KCNQ5: variants seen among roughly 807,000 people sequenced by gnomAD.
The protein encoded by KCNQ5 is potassium voltage-gated channel subfamily Q member 5.
KCNQ5 carries 30 observed loss-of-function variants against 98.2 expected under a neutral mutation model. That is an observed-to-expected ratio of 0.31 (90% CI 0.23 to 0.41). The LOEUF (loss-of-function observed/expected upper bound fraction) is 0.41. KCNQ5 is among the 10% of genes least tolerant of loss of function. The pLI is 1.00. For missense variants in KCNQ5, 835 were observed against 1,182.5 expected (o/e 0.71, Z 4.31); for synonymous variants, 458 against 449.4 (o/e 1.02, Z -0.24).
At chr6:72,706,333 T>C (rs1021122606) in intron 1 of KCNQ5, among the ~76,000 whole-genome samples, 6 of 117,146 alleles carry the variant, frequency 5.1e-5, no homozygotes, top group Admixed American at 4.8e-4. Flanking sequence ...TAATATTTTA[T>C]ATTTAATATT....
intron 1 of KCNQ5, among the ~76,000 whole-genome samples, chr6:72,776,200 G>T (rs1302514520): frequency 3.9e-5 from 6 of 152,110 alleles, no homozygotes; most frequent in Non-Finnish European, 1.5e-5. Context: ...ACTGGGAAGC[G>T]TGCTCTCCAA....
intron 7 of KCNQ5, among the ~76,000 whole-genome samples, chr6:73,113,524 T>C (rs1281406880): frequency 6.6e-6 from 1 of 152,258 alleles, no homozygotes; most frequent in Non-Finnish European, 1.5e-5. Context: ...AGTTTGCCAA[T>C]GGCACTAGCC....
At chr6:73,106,483 C>G (rs2150420987) in intron 6 of KCNQ5, among the ~76,000 whole-genome samples, 1 of 152,230 alleles carries the variant, frequency 6.6e-6, no homozygotes, top group South Asian at 2.1e-4. Flanking sequence ...ACTGGACGTC[C>G]AAAATCAAAG....
At chr6:73,176,411 C>CA (rs1273264083) in intron 11 of KCNQ5, among the ~76,000 whole-genome samples, 1 of 152,230 alleles carries the variant, frequency 6.6e-6, no homozygotes, top group African/African-American at 2.4e-5. Flanking sequence ...GATGCCTCCC[C>CA]AGTCGTGCTT....
intron 11 of KCNQ5, among the ~76,000 whole-genome samples, chr6:73,185,393 G>A (rs572000207): frequency 7.9e-5 from 12 of 151,996 alleles, no homozygotes; most frequent in South Asian, 2.1e-4. Flanking sequence ...TGTTGCCCAG[G>A]CTGGTCTCAA....
chr6:73,034,127 T>C (rs1202916890), intron 2 of KCNQ5, among the ~76,000 whole-genome samples: 2 of 152,244 alleles, frequency 1.3e-5, no homozygotes, highest in Non-Finnish European at 2.9e-5. Context: ...GTTATACTAG[T>C]AGAATTTTCC....
At chr6:72,801,968 G>C (rs1774685106) in intron 1 of KCNQ5, among the ~76,000 whole-genome samples, 1 of 152,126 alleles carries the variant, frequency 6.6e-6, no homozygotes, top group South Asian at 2.1e-4. Context: ...ACTCTCTTCT[G>C]GCTTGTAGGG....
rs1018468705 is a variant in KCNQ5, at chr6:72,731,218, C to G, written c.398+108631C>G. Among the ~76,000 whole-genome samples, 20 of 152,240 alleles carry G rather than the reference C, an allele frequency of 1.3e-4. No homozygotes were observed. In the South Asian group the frequency reaches 2.1e-3, roughly 16 times the overall value. On this transcript the variant is annotated intron_variant, in intron 1 of 13. Coordinates refer to ENST00000370398, the MANE Select transcript of KCNQ5 (RefSeq NM_019842.4). ...GTGGGTAGAGATAGCATATTAGGTG[C>G]TAACTAGTTTTTGTCATCCCATCCA...
At chr6:73,054,042 AC>A (rs971728337) in intron 3 of KCNQ5, among the ~76,000 whole-genome samples, 5 of 152,236 alleles carry the variant, frequency 3.3e-5, no homozygotes, top group Middle Eastern at 3.4e-3. Context: ...AATTTAAAAA[AC>A]CCTCAGAGAC....
chr6:73,178,251 G>A (rs1246132970), intron 11 of KCNQ5, among the ~76,000 whole-genome samples: 1 of 130,056 alleles, frequency 7.7e-6, no homozygotes, highest in Non-Finnish European at 1.6e-5. Context: ...GTTCTTGCTT[G>A]GGTTTTACTA....
intron 1 of KCNQ5, among the ~76,000 whole-genome samples, chr6:72,990,318 CCT>C (rs1769030996): frequency 1.6e-5 from 1 of 62,272 alleles, no homozygotes; most frequent in Non-Finnish European, 3.1e-5. Flanking sequence ...TTGTTTGTGT[CCT>C]CTTTTATTTC....
chr6:73,161,800 C>T (rs1214611761), intron 10 of KCNQ5, among the ~76,000 whole-genome samples: 3 of 152,148 alleles, frequency 2.0e-5, no homozygotes, highest in Non-Finnish European at 4.4e-5. Flanking sequence ...GTCTTCTTTA[C>T]CATCCTCTCT....
Position 73,085,587 on chromosome 6 carries a change from T to C in KCNQ5, c.918+7700T>C, listed in dbSNP as rs139176757. 9.9e-3 allele frequency among the ~76,000 whole-genome samples: 1,511 copies of C among 152,270 alleles called. 14 individuals carry two copies. The highest frequency in any genetic ancestry group is 0.016 in the Non-Finnish European group (1,076 of 68,008). On this transcript the variant is annotated intron_variant, in intron 5 of 13. Coordinates refer to ENST00000370398, the MANE Select transcript of KCNQ5 (RefSeq NM_019842.4). ...CATCCCGGAAGCCTGAACCGGAGTG[T>C]AGGGAGAAAGTGGGCAGGGTCTTTG...
chr6:72,986,941 G>A, intron 1 of KCNQ5: 1 of 847,148 alleles, frequency 1.2e-6, no homozygotes, highest in Non-Finnish European at 2.0e-6. Flanking sequence ...CCTTGGGGCA[G>A]ATAACGGAAG....
rs1581924420 is a variant in KCNQ5, at chr6:72,866,208, A to G, written c.399-137700A>G. Among the ~76,000 whole-genome samples the G allele has an allele frequency of 2.0e-5, 3 of 150,620 alleles. No individual in the cohort carries two copies. In the South Asian group the frequency reaches 6.3e-4, roughly 32 times the overall value. ...GTTTGCAACTTTATTATGTCCCCTCAGAATTTCCCCATCATGCTTATTCTA... is the reference window on the plus strand; with the variant it reads ...GTTTGCAACTTTATTATGTCCCCTCGGAATTTCCCCATCATGCTTATTCTA... On this transcript the variant is annotated intron_variant, in intron 1 of 13. Transcript: ENST00000370398.
At chr6:72,778,484 A>T (rs1329526168) in intron 1 of KCNQ5, among the ~76,000 whole-genome samples, 1 of 151,876 alleles carries the variant, frequency 6.6e-6, no homozygotes, top group African/African-American at 2.4e-5. Flanking sequence ...GACTGCAATG[A>T]GCAGAGATCA....
At chr6:73,186,574 G>A (rs1276948303) in intron 11 of KCNQ5, among the ~76,000 whole-genome samples, 2 of 152,158 alleles carry the variant, frequency 1.3e-5, no homozygotes, top group Admixed American at 1.3e-4. Flanking sequence ...CACTGAGCAG[G>A]AATTGAGAAG....
intron 1 of KCNQ5, among the ~76,000 whole-genome samples, chr6:72,790,200 C>T (rs1036675399): frequency 1.3e-5 from 2 of 152,150 alleles, no homozygotes; most frequent in African/African-American, 2.4e-5. Flanking sequence ...CTCTTTTGTG[C>T]TCTATAGAAT....
At chr6:72,870,538 A>C (rs1361084312) in intron 1 of KCNQ5, among the ~76,000 whole-genome samples, 1 of 152,174 alleles carries the variant, frequency 6.6e-6, no homozygotes, top group Non-Finnish European at 1.5e-5. Context: ...AGTGTGAGCC[A>C]CTGCACCCAG....
Sources: allele counts gnomAD v4.1 joint callset (sites outside exome capture counted in the v4.1 genomes callset), GRCh38; gene constraint gnomAD v4.1.1; transcripts MANE v1.5; gene names NCBI Gene and HGNC (gene_info 2026-07-23, HGNC 2026-07-21).